OPRM1: variants seen among roughly 807,000 people sequenced by gnomAD.
OPRM1 encodes mu-type opioid receptor.
In OPRM1, 27 loss-of-function variants were observed where a neutral mutation model predicts 31.8. The ratio of observed to expected loss-of-function variants is 0.85; its 90% CI spans 0.63 to 1.17. OPRM1 has a LOEUF of 1.17. OPRM1 is among the 50% of genes most tolerant of loss of function. The pLI is 0.00. For synonymous variants in OPRM1, 196 were observed against 189.9 expected (o/e 1.03, Z -0.26); for missense variants, 536 against 511.1 (o/e 1.05, Z -0.47).
chr6:154,188,157 GTT>G (rs766842955), intron 3 of OPRM1, among the ~76,000 whole-genome samples: 5 of 152,104 alleles, frequency 3.3e-5, no homozygotes, highest in Non-Finnish European at 7.4e-5. Context: ...AATTTAGAAA[GTT>G]TGATTCTTAA....
At position 154,014,730 on chromosome 6, in the gene OPRM1, A is replaced by G. The variant is rs528412369; in HGVS notation, c.-1+3712A>G. ...TATGGGGTTTTGAATTTTAAAGTGA[A>G]GTAGTTTTCCCATTACTATAATGGA... is the stretch of plus-strand genomic sequence containing the variant. On this transcript the variant is annotated intron_variant, in intron 1 of 5. Transcript: ENST00000434900. Among the ~76,000 whole-genome samples the G allele has an allele frequency of 1.2e-4, 18 of 152,176 alleles. 1 individual carries two copies. The highest frequency in any genetic ancestry group is 4.3e-4 in the African/African-American group (18 of 41,546).
chr6:154,072,587 A>C (rs1787020528), intron 1 of OPRM1, among the ~76,000 whole-genome samples: 1 of 152,202 alleles, frequency 6.6e-6, no homozygotes, highest in Non-Finnish European at 1.5e-5. Flanking sequence ...ACACAATAGA[A>C]ACTATTTTTT....
chr6:154,229,568 G>C (rs940401719), intron 3 of OPRM1, among the ~76,000 whole-genome samples: 2 of 151,852 alleles, frequency 1.3e-5, no homozygotes, highest in African/African-American at 4.8e-5. Flanking sequence ...GTGTTAGCCA[G>C]GACGGTCTCG....
At position 154,116,754 on chromosome 6, in the gene OPRM1, C is replaced by T. The variant is rs964501635; in HGVS notation, c.1165-1929C>T. ...AAGTATAAGGTCCCACATGAGACAG[C>T]CTTGGTTCTGCATGCTCTAAGGCAT... On this transcript the variant is annotated intron_variant, in intron 3 of 3. Transcript: ENST00000330432. Among the ~76,000 whole-genome samples the T allele has an allele frequency of 2.6e-5, 4 of 152,078 alleles. No individual in the cohort carries two copies. In the South Asian group the frequency reaches 6.2e-4, roughly 24 times the overall value.
At chr6:154,109,790 C>CTG (rs1175778241) in intron 3 of OPRM1, among the ~76,000 whole-genome samples, 286 of 77,020 alleles carry the variant, frequency 3.7e-3, no homozygotes, top group African/African-American at 0.011. Flanking sequence ...CTCTCTCTCT[C>CTG]TCTGTGTGTG....
intron 3 of OPRM1, among the ~76,000 whole-genome samples, chr6:154,103,780 G>A (rs1795199387): frequency 6.6e-6 from 1 of 152,100 alleles, no homozygotes. Flanking sequence ...TGGTGTTGGT[G>A]GGAGTGTAGC....
chr6:154,050,550 A>G (rs1170839402), intron 1 of OPRM1, among the ~76,000 whole-genome samples: 1 of 152,048 alleles, frequency 6.6e-6, no homozygotes, highest in African/African-American at 2.4e-5. Context: ...TAAAAATCAA[A>G]TCAATTGAAT....
At chr6:154,228,801 T>C (rs991168378) in intron 3 of OPRM1, among the ~76,000 whole-genome samples, 1 of 152,212 alleles carries the variant, frequency 6.6e-6, no homozygotes, top group African/African-American at 2.4e-5. Context: ...GGCGGGAGGA[T>C]GACTTGAGGC....
chr6:154,244,865 C>G (rs1780903386), intron 3 of OPRM1, among the ~76,000 whole-genome samples: 1 of 152,192 alleles, frequency 6.6e-6, no homozygotes, highest in South Asian at 2.1e-4. Flanking sequence ...ATGCCAAGCT[C>G]CATCAGCGTC....
rs903787005 is a variant in OPRM1 at position 154,143,173 on chromosome 6, AT to A, written c.1164+51708del. Reference sequence around the variant, plus strand: ...TGTGTTTAATATAAGGTAATTTAATATTTTTTTGATTGCCTTTCTACAGTAA... The same window carrying A: ...TGTGTTTAATATAAGGTAATTTAATATTTTTTGATTGCCTTTCTACAGTAA... On this transcript the variant is annotated intron_variant, in intron 3 of 3. Transcript: ENST00000337049. Among the ~76,000 whole-genome samples the A allele has an allele frequency of 3.9e-5, 6 of 152,148 alleles. No individual in the cohort carries two copies. The East Asian group carries it at 7.7e-4, about 19-fold the overall frequency.
chr6:154,137,552 A>G (rs1167176177), intron 3 of OPRM1, among the ~76,000 whole-genome samples: 1 of 152,198 alleles, frequency 6.6e-6, no homozygotes, highest in Non-Finnish European at 1.5e-5. Flanking sequence ...ACTCTATACC[A>G]GGGGCCACCT....
At chr6:154,148,869 G>T (rs1313494368) in intron 3 of OPRM1, among the ~76,000 whole-genome samples, 1 of 152,124 alleles carries the variant, frequency 6.6e-6, no homozygotes, top group East Asian at 1.9e-4. Flanking sequence ...TGAGAACATG[G>T]GTCATCTATT....
rs1417680226 is a variant in OPRM1, at chr6:154,122,852, A to G, written c.*4131A>G. Among the ~76,000 whole-genome samples, 1 of 152,136 alleles carries G rather than the reference A, an allele frequency of 6.6e-6. No individual in the cohort carries two copies. Among genetic ancestry groups the G allele is most frequent in the African/African-American group, 2.4e-5 (1 of 41,424 alleles). The stretch of plus-strand genomic sequence containing the variant: ...GTTACTCGAAAGGGGTCTGATCCAG[A>G]CCCCAAAAGAGGGTTCTTGGACCTC... On this transcript the variant is annotated 3_prime_UTR_variant, in exon 4 of 4. Coordinates refer to ENST00000330432, the MANE Select transcript of OPRM1 (RefSeq NM_000914.5).
intron 3 of OPRM1, among the ~76,000 whole-genome samples, chr6:154,116,773 A>G (rs1347992637): frequency 6.6e-6 from 1 of 152,044 alleles, no homozygotes; most frequent in Admixed American, 6.6e-5. Context: ...TGCATGCTCT[A>G]AGGCATAACC....
intron 3 of OPRM1, chr6:154,167,987 T>G: frequency 6.2e-7 from 1 of 1,611,848 alleles, no homozygotes; most frequent in African/African-American, 1.3e-5. Flanking sequence ...TTTACACCGC[T>G]TAACAAAGGA....
chr6:154,209,424 G>A (rs2128602714), intron 3 of OPRM1, among the ~76,000 whole-genome samples: 1 of 152,190 alleles, frequency 6.6e-6, no homozygotes, highest in East Asian at 1.9e-4. Flanking sequence ...GCCAAGGTGA[G>A]TGCATCACTT....
intron 3 of OPRM1, among the ~76,000 whole-genome samples, chr6:154,166,428 T>C (rs777597047): frequency 6.6e-6 from 1 of 152,212 alleles, no homozygotes; most frequent in African/African-American, 2.4e-5. Context: ...ACTTCCTGCT[T>C]CTCCCAACGT....
At chr6:154,163,657 C>T (rs1799202891) in intron 3 of OPRM1, among the ~76,000 whole-genome samples, 2 of 152,066 alleles carry the variant, frequency 1.3e-5, no homozygotes, top group Admixed American at 6.6e-5. Flanking sequence ...TGTAGACATT[C>T]GTTGAATACT....
At chr6:154,070,804 C>G (rs1786538546) in intron 1 of OPRM1, among the ~76,000 whole-genome samples, 1 of 152,098 alleles carries the variant, frequency 6.6e-6, no homozygotes, top group Admixed American at 6.5e-5. Context: ...ATTAACAAAT[C>G]AAGGTAGTTT....
Sources: allele counts gnomAD v4.1 joint callset (sites outside exome capture counted in the v4.1 genomes callset), GRCh38; gene constraint gnomAD v4.1.1; transcripts MANE v1.5; gene names NCBI Gene and HGNC (gene_info 2026-07-23, HGNC 2026-07-21).